RIMS2: variants seen among roughly 807,000 people sequenced by gnomAD.
RIMS2 encodes regulating synaptic membrane exocytosis protein 2.
A neutral mutation model predicts 174.4 loss-of-function variants in RIMS2; 59 were observed. The observed-to-expected ratio is 0.34, with a 90% CI of 0.27 to 0.42. RIMS2 has a LOEUF of 0.42. Among genes scored for constraint, RIMS2 ranks in the 10% least tolerant of loss-of-function variants. RIMS2 has a pLI of 1.00. For missense variants in RIMS2, 1,620 were observed against 1,666.3 expected, an observed-to-expected ratio of 0.97 and a Z score of 0.48; for synonymous variants, 606 against 572.5, an observed-to-expected ratio of 1.06 and a Z score of -0.84.
At chr8:103,941,974 G>C (rs2082642013) in intron 13 of RIMS2, among the ~76,000 whole-genome samples, 1 of 152,132 alleles carries the variant, frequency 6.6e-6, no homozygotes, top group Admixed American at 6.6e-5. Context: ...TACACAGTAG[G>C]CACTTCAATT....
chr8:103,769,082 G>A, intron 3 of RIMS2: 1 of 235,306 alleles, frequency 4.2e-6, no homozygotes, highest in Non-Finnish European at 8.8e-6. Context: ...AAGGATAATA[G>A]GAATATAGAC....
At chr8:104,067,857 A>G (rs975864165) in intron 19 of RIMS2, among the ~76,000 whole-genome samples, 1 of 152,150 alleles carries the variant, frequency 6.6e-6, no homozygotes, top group African/African-American at 2.4e-5. Flanking sequence ...AAAGAGGCTT[A>G]CCGTCTTGCT....
chr8:103,622,091 AT>A (rs1191907574), intron 1 of RIMS2, among the ~76,000 whole-genome samples: 1 of 152,224 alleles, frequency 6.6e-6, no homozygotes, highest in Non-Finnish European at 1.5e-5. Flanking sequence ...TTCTAACAAT[AT>A]AAAAATTATT....
intron 16 of RIMS2, 57 bp from the exon 19 acceptor site, chr8:103,989,248 C>G: frequency 9.6e-7 from 1 of 1,036,312 alleles, no homozygotes; most frequent in Non-Finnish European, 1.5e-6. Context: ...AAATAAACCT[C>G]GTTTCTTAGT....
chr8:103,676,427 C>A (rs1272281720), intron 1 of RIMS2, among the ~76,000 whole-genome samples: 1 of 152,128 alleles, frequency 6.6e-6, no homozygotes, highest in Non-Finnish European at 1.5e-5. Flanking sequence ...AGAAGCAAGT[C>A]TACTTTACCT....
chr8:103,650,712 C>T (rs764619937), intron 1 of RIMS2, among the ~76,000 whole-genome samples: 2 of 152,234 alleles, frequency 1.3e-5, no homozygotes, highest in Non-Finnish European at 2.9e-5. Context: ...CTATGCTGCT[C>T]TGTGGGGGAC....
intron 1 of RIMS2, among the ~76,000 whole-genome samples, chr8:103,591,002 C>T (rs1397726594): frequency 6.6e-6 from 1 of 150,530 alleles, no homozygotes; most frequent in Non-Finnish European, 1.5e-5. Context: ...ATACTCCCAC[C>T]AAAAAAGGTA....
chr8:104,070,037 C>T (rs889513381), intron 19 of RIMS2, among the ~76,000 whole-genome samples: 4 of 152,142 alleles, frequency 2.6e-5, no homozygotes, highest in African/African-American at 9.7e-5. Flanking sequence ...CCTGTTTTAT[C>T]CTTACATACT....
chr8:103,621,422 G>C (rs1352894385), intron 1 of RIMS2, among the ~76,000 whole-genome samples: 2 of 152,230 alleles, frequency 1.3e-5, no homozygotes, highest in African/African-American at 4.8e-5. Context: ...GAAGGAGGAA[G>C]TAACTTGTGG....
chr8:103,890,049 G>A (rs2099233811), intron 4 of RIMS2, among the ~76,000 whole-genome samples: 1 of 151,930 alleles, frequency 6.6e-6, no homozygotes, highest in African/African-American at 2.4e-5. Flanking sequence ...GTCATTGTAA[G>A]GATCAAATGA....
chr8:104,148,691 G>A, intron 19 of RIMS2: 1 of 1,598,356 alleles, frequency 6.3e-7, no homozygotes, highest in East Asian at 2.2e-5. Flanking sequence ...GTGGAGACAT[G>A]TGCTCACTGG....
intron 3 of RIMS2, among the ~76,000 whole-genome samples, chr8:103,793,983 A>G (rs1487753937): frequency 6.6e-6 from 1 of 152,228 alleles, no homozygotes; most frequent in Non-Finnish European, 1.5e-5. Flanking sequence ...GGAAGAATCA[A>G]TATCGTGAAA....
At chr8:103,572,815 A>G (rs1395039649) in intron 1 of RIMS2, among the ~76,000 whole-genome samples, 1 of 152,078 alleles carries the variant, frequency 6.6e-6, no homozygotes, top group Admixed American at 6.5e-5. Context: ...GTACTTGGAT[A>G]CATAGTTTGC....
At chr8:104,242,278 A>G (rs1243504929) in intron 19 of RIMS2, among the ~76,000 whole-genome samples, 1 of 152,136 alleles carries the variant, frequency 6.6e-6, no homozygotes, top group African/African-American at 2.4e-5. Context: ...TGCAGAATAT[A>G]TAACATTTCA....
intron 3 of RIMS2, among the ~76,000 whole-genome samples, chr8:103,803,122 C>T (rs950136617): frequency 5.3e-5 from 8 of 151,868 alleles, no homozygotes; most frequent in East Asian, 1.9e-4. Context: ...CTACTAAGGA[C>T]GTAGCTCATG....
exon 17 of RIMS2, chr8:103,989,373 T>A: frequency 6.2e-7 from 1 of 1,613,522 alleles, no homozygotes; most frequent in African/African-American, 1.3e-5. Context: ...ATTAGCCGAA[T>A]GGACAGACAT....
intron 1 of RIMS2, among the ~76,000 whole-genome samples, chr8:103,664,207 A>G (rs1233106058): frequency 6.6e-6 from 1 of 152,258 alleles, no homozygotes; most frequent in Admixed American, 6.5e-5. Context: ...ACCATTCAGG[A>G]CATAGGCATG....
chr8:103,728,037 CT>C lies in RIMS2; in HGVS notation c.387+30744del, dbSNP rs200730211. Among the ~76,000 whole-genome samples, 36 of 152,116 alleles carry C rather than the reference CT, an allele frequency of 2.4e-4. No individual in the cohort carries two copies. The East Asian group carries it at 6.4e-3, about 27-fold the overall frequency. On this transcript the variant is annotated intron_variant, in intron 2 of 23. Transcript: ENST00000504942. ...TCAGTTACTTTGGTTAGTATGGACA[CT>C]TTAACAATACTGATTTTTCCGGTCC...
At chr8:104,083,715 T>G (rs1476476649) in intron 19 of RIMS2, among the ~76,000 whole-genome samples, 1 of 152,158 alleles carries the variant, frequency 6.6e-6, no homozygotes, top group Non-Finnish European at 1.5e-5. Flanking sequence ...TGTTCTACCC[T>G]CTGGGGCTTG....
Sources: allele counts gnomAD v4.1 joint callset (sites outside exome capture counted in the v4.1 genomes callset), GRCh38; gene constraint gnomAD v4.1.1; transcripts MANE v1.5; gene names NCBI Gene and HGNC (gene_info 2026-07-23, HGNC 2026-07-21).